WDR72: variants seen among roughly 807,000 people sequenced by gnomAD.
WDR72 encodes WD repeat domain 72, also known as WD repeat-containing protein 72.
A neutral mutation model predicts 124.2 loss-of-function variants in WDR72; 120 were observed. The ratio of observed to expected loss-of-function variants is 0.97; its 90% CI spans 0.83 to 1.12. The LOEUF (loss-of-function observed/expected upper bound fraction) is 1.12. Ranked by LOEUF, WDR72 falls within the 50% of genes most tolerant of loss-of-function variation. WDR72 has a pLI of 0.00. For missense variants in WDR72, 1,387 were observed against 1,278.8 expected (o/e 1.08, Z -1.29); for synonymous variants, 452 against 441.7 (o/e 1.02, Z -0.29).
rs529816871 is a variant in WDR72 at position 53,639,278 on chromosome 15, G to A, written c.1963-23035C>T. Among the ~76,000 whole-genome samples the A allele has an allele frequency of 7.2e-5, 11 of 151,888 alleles. No individual in the cohort carries two copies. The East Asian group carries it at 1.6e-3, about 21-fold the overall frequency. ...TGCTATATGTGGACGACTCAACAGC[G>A]AGCAGAACAGACAGCCGCAGTCCCT... On this transcript the variant is annotated intron_variant, in intron 14 of 19. Transcript: ENST00000360509.
At chr15:53,601,304 A>G (rs2013034540) in intron 17 of WDR72, among the ~76,000 whole-genome samples, 1 of 152,174 alleles carries the variant, frequency 6.6e-6, no homozygotes, top group Admixed American at 6.6e-5. Context: ...CAGACAAGCA[A>G]ATACTAAGGA....
chr15:53,742,761 T>C (rs566515481), intron 1 of WDR72, among the ~76,000 whole-genome samples: 3 of 152,308 alleles, frequency 2.0e-5, no homozygotes, highest in African/African-American at 4.8e-5. Flanking sequence ...CAAACAACAA[T>C]ACTGTAGTAC....
intron 17 of WDR72, among the ~76,000 whole-genome samples, chr15:53,599,532 A>C (rs2012946541): frequency 6.6e-6 from 1 of 152,206 alleles, no homozygotes; most frequent in East Asian, 1.9e-4. Flanking sequence ...GTAACAGAAT[A>C]GTGCATGGAA....
At chr15:53,623,139 T>C (rs2014069000) in intron 14 of WDR72, among the ~76,000 whole-genome samples, 1 of 152,124 alleles carries the variant, frequency 6.6e-6, no homozygotes, top group Non-Finnish European at 1.5e-5. Context: ...ACTAACTCTT[T>C]TTTTTCAACT....
upstream of WDR72, among the ~76,000 whole-genome samples, chr15:53,761,925 C>G (rs571886837): frequency 6.6e-6 from 1 of 152,200 alleles, no homozygotes; most frequent in African/African-American, 2.4e-5. Context: ...AAAAATTCAA[C>G]ATTGAAACCA....
chr15:53,530,177 T>C (rs943489236), intron 18 of WDR72, among the ~76,000 whole-genome samples: 2 of 151,394 alleles, frequency 1.3e-5, no homozygotes, highest in African/African-American at 4.8e-5. Context: ...AAATTGTAGA[T>C]AAATATACAA....
intron 1 of WDR72, among the ~76,000 whole-genome samples, chr15:53,746,827 T>G (rs2018655228): frequency 6.6e-6 from 1 of 152,198 alleles, no homozygotes; most frequent in East Asian, 1.9e-4. Flanking sequence ...TTTAAAAGTA[T>G]GCAGTTTATT....
At chr15:53,654,075 A>AAGTGAATT (rs2015333784) in intron 14 of WDR72, among the ~76,000 whole-genome samples, 1 of 152,216 alleles carries the variant, frequency 6.6e-6, no homozygotes, top group African/African-American at 2.4e-5. Context: ...AACTACTGAC[A>AAGTGAATT]AAACCTGCTC....
chr15:53,667,210 AG>A (rs2015809066), intron 13 of WDR72, among the ~76,000 whole-genome samples: 1 of 152,094 alleles, frequency 6.6e-6, no homozygotes, highest in African/African-American at 2.4e-5. Context: ...AAAATTAGCC[AG>A]GCATGGTGGC....
chr15:53,666,303 A>G (rs897394678), intron 13 of WDR72, among the ~76,000 whole-genome samples: 2 of 152,158 alleles, frequency 1.3e-5, no homozygotes, highest in African/African-American at 4.8e-5. Flanking sequence ...TGTTGTGATT[A>G]TATCCTTTGG....
chr15:53,697,870 G>A (rs907554130), intron 13 of WDR72, among the ~76,000 whole-genome samples: 5 of 151,972 alleles, frequency 3.3e-5, no homozygotes, highest in Admixed American at 2.0e-4. Context: ...ATGTAGTGGC[G>A]CGATCTCCGC....
intron 1 of WDR72, among the ~76,000 whole-genome samples, chr15:53,739,866 G>A (rs1385876891): frequency 6.6e-6 from 1 of 152,176 alleles, no homozygotes; most frequent in African/African-American, 2.4e-5. Flanking sequence ...TACGGGCAAT[G>A]TGCACTTTGG....
In WDR72 at chr15:53,733,114, T is replaced by C; in HGVS notation, c.36A>G (p.Gly12=). 1 of 1,613,928 alleles carries C rather than the reference T, an allele frequency of 6.2e-7. No homozygotes were observed. Among genetic ancestry groups the C allele is most frequent in the Admixed American group, 1.7e-5 (1 of 60,004 alleles). The change falls in exon 2 of 20, where the codon GGA becomes GGG. Residue 12 remains glycine (G), a synonymous_variant. Transcript: ENST00000360509. ...RTSLQAVALW[G]QKAPPHSITA... ...TGATGCTGTGGGGAGGGGCCTTCTG[T>C]CCCCAGAGTGCCACTGCCTGCAGGG...
chr15:53,525,247 T>C (rs1469294099), intron 18 of WDR72, among the ~76,000 whole-genome samples: 2 of 152,116 alleles, frequency 1.3e-5, no homozygotes, highest in Non-Finnish European at 2.9e-5. Flanking sequence ...GGTCAAGATT[T>C]CCTGGCCTAC....
intron 14 of WDR72, among the ~76,000 whole-genome samples, chr15:53,660,534 T>G (rs1347992867): frequency 6.6e-6 from 1 of 152,096 alleles, no homozygotes; most frequent in Non-Finnish European, 1.5e-5. Context: ...TAATAAAAAT[T>G]TTCAGCAAAT....
intron 18 of WDR72, among the ~76,000 whole-genome samples, chr15:53,565,057 T>G (rs961005083): frequency 2.0e-5 from 3 of 151,780 alleles, no homozygotes; most frequent in Non-Finnish European, 4.4e-5. Context: ...AAAAAAACAC[T>G]TGATTCAATC....
chr15:53,608,785 T>TAAATAAATAAATAAATAAA (rs61501258), intron 17 of WDR72, among the ~76,000 whole-genome samples: 1 of 149,802 alleles, frequency 6.7e-6, no homozygotes, highest in African/African-American at 2.5e-5. Context: ...AATAAATAAA[T>TAAATAAATAAATAAATAAA]ATAAAAATAA....
chr15:53,550,927 TATTA>T (rs1893702756), intron 18 of WDR72, among the ~76,000 whole-genome samples: 1 of 152,144 alleles, frequency 6.6e-6, no homozygotes, highest in Non-Finnish European at 1.5e-5. Flanking sequence ...TATAAATGAT[TATTA>T]ATTAAAAAAG....
chr15:53,577,004 G>A (rs1046060265), intron 18 of WDR72, among the ~76,000 whole-genome samples: 3 of 152,116 alleles, frequency 2.0e-5, no homozygotes, highest in Non-Finnish European at 4.4e-5. Context: ...TTGCTTTAGA[G>A]CTCCAAGACT....
Sources: gnomAD v4.1 joint callset for allele counts (sites outside exome capture counted in the v4.1 genomes callset) on GRCh38, gnomAD v4.1.1 for gene constraint, MANE v1.5 for transcripts, NCBI Gene and HGNC (gene_info 2026-07-23, HGNC 2026-07-21) for gene names.